DPP10: variants seen among roughly 807,000 people sequenced by gnomAD.
DPP10 encodes the protein inactive dipeptidyl peptidase 10.
In DPP10, 33 loss-of-function variants were observed where a neutral mutation model predicts 120.9. That is an observed-to-expected ratio of 0.27 (90% CI 0.21 to 0.37). The LOEUF is 0.37. DPP10 is among the 10% of genes least tolerant of loss of function. The probability of loss-of-function intolerance (pLI) is 1.00; values close to 1 mark genes in which losing one functional copy is unlikely to be tolerated. For missense variants in DPP10, 816 were observed against 942.8 expected (o/e 0.87, Z 1.76); for synonymous variants, 337 against 326.1 (o/e 1.03, Z -0.36).
intron 1 of DPP10, among the ~76,000 whole-genome samples, chr2:115,032,004 A>AT (rs1166649812): frequency 1.3e-5 from 2 of 152,114 alleles, no homozygotes; most frequent in African/African-American, 2.4e-5. Flanking sequence ...ATTACGTATA[A>AT]TTTTTTTATA....
chr2:114,572,303 T>A (rs868577184), intron 1 of DPP10, among the ~76,000 whole-genome samples: 2 of 152,134 alleles, frequency 1.3e-5, no homozygotes, highest in Non-Finnish European at 2.9e-5. Context: ...GTTACCTAGA[T>A]GAGTATGAAA....
intron 1 of DPP10, among the ~76,000 whole-genome samples, chr2:114,859,366 C>A (rs1415724041): frequency 1.3e-4 from 17 of 129,964 alleles, no homozygotes; most frequent in African/African-American, 4.3e-4. Flanking sequence ...GAAACTCCGT[C>A]AAAAAAAAAA....
intron 5 of DPP10, among the ~76,000 whole-genome samples, chr2:115,629,586 G>A (rs1015061648): frequency 6.6e-6 from 1 of 152,100 alleles, no homozygotes; most frequent in African/African-American, 2.4e-5. Flanking sequence ...ATTTTTTCAT[G>A]TGTTTTTTGG....
intron 1 of DPP10, among the ~76,000 whole-genome samples, chr2:114,958,691 G>C (rs767633697): frequency 6.6e-6 from 1 of 151,966 alleles, no homozygotes; most frequent in Non-Finnish European, 1.5e-5. Flanking sequence ...TGTTTTGATG[G>C]TATATTATTG....
intron 1 of DPP10, among the ~76,000 whole-genome samples, chr2:114,844,068 G>C (rs13383918): frequency 0.1 from 15,570 of 152,050 alleles, 2,662 homozygotes; most frequent in African/African-American, 0.36. Flanking sequence ...TCTTATTATA[G>C]TGAGCACTGC....
chr2:115,103,997 A>G (rs1034683879), intron 1 of DPP10, among the ~76,000 whole-genome samples: 1 of 152,150 alleles, frequency 6.6e-6, no homozygotes, highest in Non-Finnish European at 1.5e-5. Context: ...TTTCATATAC[A>G]CCTTAACACA....
chr2:115,045,051 G>T (rs1326189782), intron 1 of DPP10, among the ~76,000 whole-genome samples: 1 of 152,102 alleles, frequency 6.6e-6, no homozygotes, highest in African/African-American at 2.4e-5. Context: ...CCAAATCTTG[G>T]CTATTGTGAA....
chr2:115,010,337 T>G (rs1702172670), intron 1 of DPP10, among the ~76,000 whole-genome samples: 1 of 152,200 alleles, frequency 6.6e-6, no homozygotes, highest in Non-Finnish European at 1.5e-5. Context: ...ACCTTCTTTC[T>G]GCCTCATTAA....
intron 1 of DPP10, chr2:114,461,753 C>T (rs1678931957): frequency 1.0e-6 from 1 of 985,394 alleles, no homozygotes; most frequent in African/African-American, 1.7e-5. Flanking sequence ...CAGTCTGGGG[C>T]TCAGTGCTGC....
intron 1 of DPP10, among the ~76,000 whole-genome samples, chr2:114,919,707 G>T (rs1476005079): frequency 1.3e-5 from 2 of 152,082 alleles, no homozygotes; most frequent in Non-Finnish European, 2.9e-5. Context: ...ATATTTCACT[G>T]GTCTTCAATA....
chr2:114,858,362 T>C (rs1023980262), intron 1 of DPP10, among the ~76,000 whole-genome samples: 2 of 152,206 alleles, frequency 1.3e-5, no homozygotes, highest in African/African-American at 4.8e-5. Context: ...TTTGCCTCTG[T>C]AACAATTTAA....
At chr2:115,348,657 A>G (rs2063832895) in intron 3 of DPP10, among the ~76,000 whole-genome samples, 1 of 152,146 alleles carries the variant, frequency 6.6e-6, no homozygotes. Flanking sequence ...GTGTCAGAAG[A>G]CAATTCCAAA....
chr2:115,642,517 C>T (rs574990535), intron 5 of DPP10, among the ~76,000 whole-genome samples: 1 of 152,242 alleles, frequency 6.6e-6, no homozygotes, highest in Admixed American at 6.5e-5. Context: ...AGATTTTGGA[C>T]TCTGCAGTCT....
At chr2:115,560,445 T>TATATATATAC (rs1359773531) in intron 5 of DPP10, among the ~76,000 whole-genome samples, 17 of 86,248 alleles carry the variant, frequency 2.0e-4, no homozygotes, top group African/African-American at 5.4e-4. Flanking sequence ...TATATATATA[T>TATATATATAC]ACGACAAGCT....
intron 1 of DPP10, among the ~76,000 whole-genome samples, chr2:115,211,712 G>A (rs1043900663): frequency 6.6e-5 from 10 of 151,898 alleles, no homozygotes; most frequent in Admixed American, 5.3e-4. Context: ...CAACTTCAGT[G>A]CATCATTAGT....
chr2:115,648,235 T>G (rs1558975866), intron 5 of DPP10, among the ~76,000 whole-genome samples: 1 of 151,746 alleles, frequency 6.6e-6, no homozygotes, highest in East Asian at 2.0e-4. Context: ...AGAAGCAGAG[T>G]AGAATCGTAG....
At chr2:114,492,810 G>A (rs150546483) in intron 1 of DPP10, among the ~76,000 whole-genome samples, 81 of 152,280 alleles carry the variant, frequency 5.3e-4, no homozygotes, top group African/African-American at 1.8e-3. Context: ...TGTCATTTGA[G>A]ATAGAGAAAT....
chr2:114,961,208 C>G (rs529197777), intron 1 of DPP10, among the ~76,000 whole-genome samples: 6 of 152,038 alleles, frequency 3.9e-5, no homozygotes, highest in African/African-American at 7.2e-5. Flanking sequence ...GCATGCACCA[C>G]CATGCTCAGC....
intron 1 of DPP10, among the ~76,000 whole-genome samples, chr2:114,609,505 T>TGGGACAAGAGTCAGGAGGTG (rs1693108520): frequency 6.6e-6 from 1 of 152,122 alleles, no homozygotes. Context: ...CACACACAGA[T>TGGGACAAGAGTCAGGAGGTG]GGGACAAGAG....
Sources: gnomAD v4.1 joint callset for allele counts (sites outside exome capture counted in the v4.1 genomes callset) on GRCh38, gnomAD v4.1.1 for gene constraint, MANE v1.5 for transcripts, NCBI Gene and HGNC (gene_info 2026-07-23, HGNC 2026-07-21) for gene names.